Variants in LSAMP observed in about 807,000 individuals in gnomAD.
LSAMP encodes limbic system associated membrane protein.
LSAMP carries 7 observed loss-of-function variants against 38.6 expected under a neutral mutation model. The observed-to-expected ratio is 0.18, with a 90% CI of 0.10 to 0.34. The LOEUF (loss-of-function observed/expected upper bound fraction) is 0.34. Ranked by LOEUF, LSAMP falls within the 10% of genes least tolerant of loss-of-function variation. LSAMP has a pLI of 1.00. For missense variants in LSAMP, 313 were observed against 420.0 expected (o/e 0.75, Z 2.23); for synonymous variants, 154 against 166.8 (o/e 0.92, Z 0.59).
At chr3:116,111,936 C>T (rs1003296789) in intron 1 of LSAMP, among the ~76,000 whole-genome samples, 1 of 152,168 alleles carries the variant, frequency 6.6e-6, no homozygotes, top group Non-Finnish European at 1.5e-5. Context: ...CTTCTGCTAG[C>T]CTGCACTGAA....
At chr3:115,907,458 G>A (rs192605516) in intron 3 of LSAMP, among the ~76,000 whole-genome samples, 182 of 152,018 alleles carry the variant, frequency 1.2e-3, no homozygotes, top group Middle Eastern at 6.8e-3. Flanking sequence ...AGCAGACATC[G>A]AATCCACTGG....
At chr3:116,119,411 T>C (rs957061978) in intron 1 of LSAMP, among the ~76,000 whole-genome samples, 1 of 152,132 alleles carries the variant, frequency 6.6e-6, no homozygotes, top group Middle Eastern at 3.2e-3. Flanking sequence ...CAAACTAATT[T>C]AAGATGATTT....
At chr3:116,428,597 T>G (rs1047329604) in intron 1 of LSAMP, among the ~76,000 whole-genome samples, 19 of 152,190 alleles carry the variant, frequency 1.2e-4, no homozygotes, top group Non-Finnish European at 2.4e-4. Flanking sequence ...AGATATGTAA[T>G]GTCTACATAT....
At chr3:116,001,873 T>TA (rs1940005440) in intron 3 of LSAMP, among the ~76,000 whole-genome samples, 1 of 152,224 alleles carries the variant, frequency 6.6e-6, no homozygotes, top group Admixed American at 6.5e-5. Flanking sequence ...TTAACTTAAT[T>TA]ACATCTGCAA....
At chr3:115,917,627 TTTAAA>T in intron 3 of LSAMP, among the ~76,000 whole-genome samples, 1 of 152,274 alleles carries the variant, frequency 6.6e-6, no homozygotes, top group South Asian at 2.1e-4. Flanking sequence ...CAAACACTCT[TTTAAA>T]TTAATGACCT....
intron 1 of LSAMP, among the ~76,000 whole-genome samples, chr3:116,097,614 T>C (rs1429376882): frequency 6.6e-6 from 1 of 152,200 alleles, no homozygotes; most frequent in African/African-American, 2.4e-5. Flanking sequence ...AAGTAAGTAA[T>C]GAGACTGTCT....
intron 1 of LSAMP, among the ~76,000 whole-genome samples, chr3:116,248,388 A>T (rs971015226): frequency 6.6e-6 from 1 of 151,990 alleles, no homozygotes; most frequent in African/African-American, 2.4e-5. Context: ...TGTAATCTCA[A>T]CTACTCAAGA....
intron 2 of LSAMP, among the ~76,000 whole-genome samples, chr3:116,076,945 A>G (rs1456844750): frequency 2.6e-5 from 4 of 151,980 alleles, no homozygotes; most frequent in Non-Finnish European, 5.9e-5. Context: ...TGTGTTTGTT[A>G]TAACTATATA....
intron 1 of LSAMP, among the ~76,000 whole-genome samples, chr3:116,273,679 G>T (rs2047004261): frequency 5.6e-5 from 1 of 17,926 alleles, no homozygotes; most frequent in Non-Finnish European, 9.2e-5. Context: ...GAAAGAGAAA[G>T]AGGCATATAT....
At chr3:116,213,658 A>G (rs2046188308) in intron 1 of LSAMP, among the ~76,000 whole-genome samples, 1 of 152,214 alleles carries the variant, frequency 6.6e-6, no homozygotes, top group Admixed American at 6.5e-5. Context: ...AACAAACTAA[A>G]TATCCACTGA....
intron 2 of LSAMP, among the ~76,000 whole-genome samples, chr3:116,031,767 G>A (rs1282168614): frequency 1.3e-5 from 2 of 151,346 alleles, no homozygotes; most frequent in African/African-American, 4.9e-5. Context: ...ATTCACAGGA[G>A]GTTTTAGAAT....
rs570252949 is a variant in LSAMP at position 116,109,346 on chromosome 3, AC to A, written c.156-22791del. Among the ~76,000 whole-genome samples the A allele has an allele frequency of 8.8e-3, 1,344 of 151,962 alleles. 21 individuals are homozygous for A. The highest frequency in any genetic ancestry group is 0.029 in the African/African-American group (1,212 of 41,426). ...GAGCAGAGGCTGAGGAAGAATTGGG[AC>A]CTAGCTTGGCCTGGCGAGGAGGGGA... On this transcript the variant is annotated intron_variant, in intron 1 of 6. Coordinates refer to ENST00000490035, the MANE Select transcript of LSAMP (RefSeq NM_002338.5).
intron 2 of LSAMP, among the ~76,000 whole-genome samples, chr3:116,047,363 C>T (rs1311867064): frequency 6.1e-5 from 8 of 131,824 alleles, no homozygotes; most frequent in South Asian, 2.3e-4. Flanking sequence ...TCTTAAAATA[C>T]GAATCTAGTC....
chr3:116,267,001 T>A (rs1292646273), intron 1 of LSAMP, among the ~76,000 whole-genome samples: 1 of 152,192 alleles, frequency 6.6e-6, no homozygotes, highest in Admixed American at 6.6e-5. Context: ...TGACTCTTTA[T>A]GACATCTCAT....
intron 1 of LSAMP, among the ~76,000 whole-genome samples, chr3:116,088,249 T>G (rs376684439): frequency 3.3e-4 from 51 of 152,308 alleles, no homozygotes; most frequent in African/African-American, 1.2e-3. Context: ...CTTTACCTAT[T>G]TGTTTTCATA....
intron 1 of LSAMP, among the ~76,000 whole-genome samples, chr3:116,237,073 T>C (rs2107634281): frequency 6.6e-6 from 1 of 152,142 alleles, no homozygotes; most frequent in East Asian, 1.9e-4. Flanking sequence ...TAAGATGACT[T>C]TCTGATCATG....
intron 3 of LSAMP, among the ~76,000 whole-genome samples, chr3:115,963,664 A>T (rs914327608): frequency 2.0e-5 from 3 of 152,226 alleles, no homozygotes; most frequent in Non-Finnish European, 4.4e-5. Flanking sequence ...CACTTAGAAT[A>T]CAGACATAAG....
intron 1 of LSAMP, among the ~76,000 whole-genome samples, chr3:116,366,453 T>G (rs1207767894): frequency 6.6e-6 from 1 of 152,166 alleles, no homozygotes; most frequent in East Asian, 1.9e-4. Flanking sequence ...AGGTATAGTC[T>G]TTTGACACTG....
At chr3:116,248,029 C>A (rs533078264) in intron 1 of LSAMP, among the ~76,000 whole-genome samples, 3 of 152,286 alleles carry the variant, frequency 2.0e-5, no homozygotes, top group African/African-American at 7.2e-5. Flanking sequence ...AGGACATATT[C>A]TTTAATGCTG....
Sources: gnomAD v4.1 joint callset for allele counts (sites outside exome capture counted in the v4.1 genomes callset) on GRCh38, gnomAD v4.1.1 for gene constraint, MANE v1.5 for transcripts, NCBI Gene and HGNC (gene_info 2026-07-23, HGNC 2026-07-21) for gene names.